IL1RAPL2: variants seen among roughly 807,000 people sequenced by gnomAD.
The protein encoded by IL1RAPL2 is X-linked interleukin-1 receptor accessory protein-like 2.
In IL1RAPL2, 3 loss-of-function variants were observed where a neutral mutation model predicts 44.1. That is an observed-to-expected ratio of 0.07 (90% CI 0.03 to 0.18). The LOEUF (loss-of-function observed/expected upper bound fraction) is 0.18. Ranked by LOEUF, IL1RAPL2 falls within the 10% of genes least tolerant of loss-of-function variation. IL1RAPL2 has a pLI of 1.00. For missense variants in IL1RAPL2, 391 were observed against 496.4 expected (o/e 0.79, Z 2.02); for synonymous variants, 181 against 178.8 (o/e 1.01, Z -0.10).
chrX:105,323,642 A>G (rs975353613), intron 5 of IL1RAPL2, among the ~76,000 whole-genome samples: 4 of 111,568 alleles, frequency 3.6e-5, no homozygotes, highest in African/African-American at 1.3e-4. Context: ...TTGGGAGGCC[A>G]AGGGGTAGAT....
intron 1 of IL1RAPL2, among the ~76,000 whole-genome samples, chrX:104,646,219 A>G (rs1463262560): frequency 9.0e-6 from 1 of 111,260 alleles, no homozygotes; most frequent in Non-Finnish European, 1.9e-5. Flanking sequence ...ATGACATTTC[A>G]TAGGGATTAA....
intron 2 of IL1RAPL2, among the ~76,000 whole-genome samples, chrX:104,710,140 A>G (rs964453649): frequency 3.6e-5 from 4 of 111,170 alleles, no homozygotes; most frequent in African/African-American, 1.3e-4. Context: ...TTAGATATAT[A>G]TGTGAAAGAA....
intron 2 of IL1RAPL2, among the ~76,000 whole-genome samples, chrX:104,901,825 C>G (rs973819342): frequency 9.0e-6 from 1 of 111,679 alleles, no homozygotes; most frequent in Non-Finnish European, 1.9e-5. Context: ...GCTACAAGGT[C>G]ATCGTCATTG....
intron 6 of IL1RAPL2, among the ~76,000 whole-genome samples, chrX:105,588,634 T>C (rs2037146536): frequency 8.9e-6 from 1 of 111,977 alleles, no homozygotes; most frequent in African/African-American, 3.2e-5. Context: ...AGTGAGAACA[T>C]GCAGTATTTT....
chrX:105,218,447 G>C (rs2147623757), intron 3 of IL1RAPL2, among the ~76,000 whole-genome samples: 1 of 111,272 alleles, frequency 9.0e-6, no homozygotes, highest in East Asian at 2.9e-4. Context: ...TCTCTGTTCA[G>C]AGTGTCTAGC....
At chrX:104,671,254 C>A (rs970953993) in intron 2 of IL1RAPL2, among the ~76,000 whole-genome samples, 2 of 110,396 alleles carry the variant, frequency 1.8e-5, no homozygotes, top group Admixed American at 1.9e-4. Context: ...TATTTTTGTG[C>A]CCCTCAGTCC....
intron 2 of IL1RAPL2, among the ~76,000 whole-genome samples, chrX:105,048,162 G>A (rs1327853177): frequency 8.9e-6 from 1 of 111,874 alleles, no homozygotes; most frequent in Non-Finnish European, 1.9e-5. Context: ...CCACAGCTGT[G>A]AGGGGACAAG....
chrX:105,571,842 A>T (rs1433915794), intron 6 of IL1RAPL2, among the ~76,000 whole-genome samples: 1 of 110,574 alleles, frequency 9.0e-6, no homozygotes, highest in East Asian at 2.8e-4. Context: ...ATTTGATGGT[A>T]TGGTAGGGGA....
chrX:105,550,364 T>A (rs962938905), intron 6 of IL1RAPL2, among the ~76,000 whole-genome samples: 1 of 112,369 alleles, frequency 8.9e-6, no homozygotes, highest in Non-Finnish European at 1.9e-5. Context: ...TAAATTTTTT[T>A]AAACATCCCC....
At chrX:104,841,328 T>C (rs907979159) in intron 2 of IL1RAPL2, among the ~76,000 whole-genome samples, 1 of 111,928 alleles carries the variant, frequency 8.9e-6, no homozygotes, top group African/African-American at 3.2e-5. Flanking sequence ...TGATGGGTCT[T>C]GACTCTTTAT....
At chrX:105,666,195 G>A (rs1413089988) in intron 6 of IL1RAPL2, among the ~76,000 whole-genome samples, 2 of 109,708 alleles carry the variant, frequency 1.8e-5, no homozygotes, top group Non-Finnish European at 3.8e-5. Flanking sequence ...AATCTATTGC[G>A]GGATCTGGCC....
intron 2 of IL1RAPL2, among the ~76,000 whole-genome samples, chrX:104,726,837 T>C (rs1931805882): frequency 9.0e-6 from 1 of 110,988 alleles, no homozygotes; most frequent in South Asian, 3.7e-4. Context: ...TGAAGTCAAG[T>C]AATGTGATGT....
Position 104,901,199 on chromosome X carries a change from C to CTTTTT in IL1RAPL2, c.82+242229_82+242233dup, listed in dbSNP as rs1194148816. Among the ~76,000 whole-genome samples the CTTTTT allele has an allele frequency of 2.4e-3, 78 of 32,123 alleles. 7 individuals carry two copies. Among genetic ancestry groups the CTTTTT allele is most frequent in the African/African-American group, 9.5e-3 (71 of 7,451 alleles). 27.9% of individuals were successfully genotyped at this position (32,123 alleles called of 115,157 possible). A position where few individuals can be genotyped will look rare whatever the true frequency, so the allele number is the denominator to read the frequency against. The stretch of plus-strand genomic sequence containing the variant: ...AGGAGTTGGTTGCTTTCTTTTGCTT[C>CTTTTT]TTTTTTTTTTTTTTTTTTTTTTTTT... On this transcript the variant is annotated intron_variant, in intron 2 of 10. Transcript: ENST00000372582.
chrX:104,594,196 C>G (rs1239393552), intron 1 of IL1RAPL2, among the ~76,000 whole-genome samples: 1 of 111,930 alleles, frequency 8.9e-6, no homozygotes, highest in Non-Finnish European at 1.9e-5. Flanking sequence ...TAGAACCTAG[C>G]ACAGAGACTA....
At chrX:105,020,847 C>T (rs1162426066) in intron 2 of IL1RAPL2, among the ~76,000 whole-genome samples, 1 of 111,662 alleles carries the variant, frequency 9.0e-6, no homozygotes, top group Non-Finnish European at 1.9e-5. Flanking sequence ...TAAATGACAC[C>T]TCTTATATAA....
intron 1 of IL1RAPL2, among the ~76,000 whole-genome samples, chrX:104,657,695 A>G (rs956157977): frequency 9.0e-5 from 10 of 111,636 alleles, no homozygotes; most frequent in South Asian, 3.7e-4. Flanking sequence ...AACCTACAGA[A>G]TAGGAGAAAA....
At chrX:104,746,135 G>A (rs776170878) in intron 2 of IL1RAPL2, among the ~76,000 whole-genome samples, 1 of 111,295 alleles carries the variant, frequency 9.0e-6, no homozygotes, top group African/African-American at 3.3e-5. Context: ...GAACTGTGCC[G>A]GACACATTAC....
intron 1 of IL1RAPL2, among the ~76,000 whole-genome samples, chrX:104,599,665 C>A (rs1928837060): frequency 9.6e-6 from 1 of 104,673 alleles, no homozygotes; most frequent in Admixed American, 1.1e-4. Flanking sequence ...CACACACACA[C>A]ACACACACAC....
intron 5 of IL1RAPL2, among the ~76,000 whole-genome samples, chrX:105,308,998 G>A (rs556043246): frequency 3.8e-4 from 42 of 110,753 alleles, no homozygotes; most frequent in East Asian, 2.0e-3. Flanking sequence ...GGGAAAGAGG[G>A]TATCTCATTC....
Sources: allele counts gnomAD v4.1 joint callset (sites outside exome capture counted in the v4.1 genomes callset), GRCh38; gene constraint gnomAD v4.1.1; transcripts MANE v1.5; gene names NCBI Gene and HGNC (gene_info 2026-07-23, HGNC 2026-07-21).